Variants in AFF2 observed in about 807,000 individuals in gnomAD.
The protein encoded by AFF2 is ALF transcription elongation factor 2.
Under a neutral mutation model 76.9 loss-of-function variants are expected in AFF2, and 14 were observed. That is an observed-to-expected ratio of 0.18 (90% CI 0.12 to 0.28). The LOEUF (loss-of-function observed/expected upper bound fraction) is 0.28. Ranked by LOEUF, AFF2 falls within the 10% of genes least tolerant of loss-of-function variation. The pLI, the probability that AFF2 is intolerant of heterozygous loss-of-function variation, is 1.00. For missense variants in AFF2, 868 were observed against 1,001.1 expected (o/e 0.87, Z 1.79); for synonymous variants, 398 against 366.7 (o/e 1.09, Z -0.98).
intron 1 of AFF2, among the ~76,000 whole-genome samples, chrX:148,522,208 G>T (rs1389484602): frequency 8.9e-6 from 1 of 112,307 alleles, no homozygotes; most frequent in African/African-American, 3.2e-5. Flanking sequence ...GCACCTACTG[G>T]ACCTAAAGTC....
At chrX:148,656,493 A>AT (rs1205846596) in intron 2 of AFF2, among the ~76,000 whole-genome samples, 6,811 of 67,835 alleles carry the variant, frequency 0.1, 609 homozygotes, top group African/African-American at 0.25. Context: ...TCCATGAGGA[A>AT]TTTTTTTTTT....
At chrX:148,899,026 T>C (rs193154203) in intron 8 of AFF2, among the ~76,000 whole-genome samples, 1 of 112,116 alleles carries the variant, frequency 8.9e-6, no homozygotes, top group Non-Finnish European at 1.9e-5. Flanking sequence ...AATGTTTCCA[T>C]GCACGTTTTC....
intron 2 of AFF2, among the ~76,000 whole-genome samples, chrX:148,659,592 C>G (rs1304908263): frequency 8.9e-6 from 1 of 112,611 alleles, no homozygotes; most frequent in African/African-American, 3.2e-5. Context: ...CCAGATATCA[C>G]TGTTCATGAG....
intron 4 of AFF2, among the ~76,000 whole-genome samples, chrX:148,817,500 C>T (rs1405279559): frequency 2.7e-5 from 3 of 111,555 alleles, no homozygotes; most frequent in African/African-American, 9.7e-5. Flanking sequence ...TTAACAAAAG[C>T]GTCACTCCCA....
intron 3 of AFF2, among the ~76,000 whole-genome samples, chrX:148,767,383 G>T (rs956137906): frequency 9.0e-6 from 1 of 111,396 alleles, no homozygotes; most frequent in Non-Finnish European, 1.9e-5. Context: ...GCAACAAGTG[G>T]CATCAATGTG....
At chrX:148,820,202 A>G (rs909052680) in intron 4 of AFF2, among the ~76,000 whole-genome samples, 1 of 111,583 alleles carries the variant, frequency 9.0e-6, no homozygotes. Context: ...CTATAAATCA[A>G]TTTTGAGGGA....
intron 7 of AFF2, among the ~76,000 whole-genome samples, chrX:148,878,061 G>A (rs1415103379): frequency 1.8e-5 from 2 of 111,486 alleles, no homozygotes; most frequent in Non-Finnish European, 3.8e-5. Context: ...ATTCCAAAAG[G>A]AATTCTGCCT....
chrX:148,958,260 A>G (rs1234341002), intron 11 of AFF2, 77 bp from the exon 12 acceptor site: 4 of 1,153,339 alleles, frequency 3.5e-6, no homozygotes, highest in Admixed American at 2.4e-5. Context: ...TATCTTGCTC[A>G]TTTTTAGTGT....
intron 12 of AFF2, among the ~76,000 whole-genome samples, chrX:148,962,108 T>A (rs782349137): frequency 3.5e-5 from 4 of 112,910 alleles, no homozygotes; most frequent in Non-Finnish European, 7.5e-5. Flanking sequence ...ACATCAGTAC[T>A]TCAGTATAAC....
intron 1 of AFF2, among the ~76,000 whole-genome samples, chrX:148,610,337 A>G (rs2053716648): frequency 9.0e-6 from 1 of 111,518 alleles, no homozygotes; most frequent in Non-Finnish European, 1.9e-5. Context: ...CCTGACTCCT[A>G]CTTTGGGGTT....
chrX:148,629,200 C>T (rs1248577266), intron 1 of AFF2, among the ~76,000 whole-genome samples: 1 of 110,076 alleles, frequency 9.1e-6, no homozygotes, highest in Non-Finnish European at 1.9e-5. Context: ...GTTTTCTTAT[C>T]TGTAAAATGA....
chrX:148,937,602 G>T (rs1422932681), intron 9 of AFF2, among the ~76,000 whole-genome samples: 1 of 111,942 alleles, frequency 8.9e-6, no homozygotes, highest in East Asian at 2.8e-4. Context: ...CAAATGAGCT[G>T]TGTACAAGCT....
intron 15 of AFF2, among the ~76,000 whole-genome samples, chrX:148,968,916 G>A (rs1431698989): frequency 8.9e-6 from 1 of 111,999 alleles, no homozygotes; most frequent in East Asian, 2.8e-4. Flanking sequence ...CTCCCTCAAA[G>A]ACCAAAGGTT....
chrX:148,582,827 G>C (rs2053428197), intron 1 of AFF2, among the ~76,000 whole-genome samples: 1 of 111,704 alleles, frequency 9.0e-6, no homozygotes, highest in Non-Finnish European at 1.9e-5. Context: ...ATAACCAAAA[G>C]GTAAAAACAT....
At chrX:148,505,879 C>T (rs1427006715) in intron 1 of AFF2, among the ~76,000 whole-genome samples, 3 of 111,638 alleles carry the variant, frequency 2.7e-5, no homozygotes, top group Non-Finnish European at 5.6e-5. Context: ...AACTTGCTTA[C>T]TGATAAATGG....
intron 3 of AFF2, among the ~76,000 whole-genome samples, chrX:148,709,695 A>T (rs887917593): frequency 8.9e-6 from 1 of 112,132 alleles, no homozygotes; most frequent in Non-Finnish European, 1.9e-5. Context: ...GTGCACACAC[A>T]TAGTGTGGCA....
chrX:148,932,478 C>T, intron 9 of AFF2, among the ~76,000 whole-genome samples: 1 of 111,825 alleles, frequency 8.9e-6, no homozygotes, highest in Non-Finnish European at 1.9e-5. Context: ...AACTTGTGAT[C>T]ACTGGCAAAC....
rs1557257863 is a variant in AFF2 at position 148,662,248 on chromosome X, C to T, written c.521C>T (p.Ala174Val). ...CCTAGCACTGTACTGGCAAGCCAGG[C>T]CAGTGGTCAGCCAAACAAGATGCAG... is the stretch of plus-strand genomic sequence containing the variant. ...HNPSTVLASQ[A>V]SGQPNKMQTL... is the part of the protein sequence containing the mutation. The change falls in exon 3 of 21, where the codon GCC (alanine) becomes GTC (valine). Residue 174 changes from alanine (A) to valine (V), a missense_variant. Coordinates refer to ENST00000370460, the MANE Select transcript of AFF2 (RefSeq NM_002025.4). 3 of 1,211,426 alleles carry T rather than the reference C, an allele frequency of 2.5e-6. No individual in the cohort carries two copies. The highest frequency in any genetic ancestry group is 4.3e-5 in the Admixed American group (2 of 45,991).
intron 1 of AFF2, among the ~76,000 whole-genome samples, chrX:148,526,102 G>A (rs1005637802): frequency 9.0e-6 from 1 of 111,448 alleles, no homozygotes; most frequent in Non-Finnish European, 1.9e-5. Flanking sequence ...TGGCAGAAAA[G>A]GAAAAGGAAA....
Sources: allele counts gnomAD v4.1 joint callset (sites outside exome capture counted in the v4.1 genomes callset), GRCh38; gene constraint gnomAD v4.1.1; transcripts MANE v1.5; gene names NCBI Gene and HGNC (gene_info 2026-07-23, HGNC 2026-07-21).